Variants in CHCHD6 observed in about 807,000 individuals in gnomAD.
CHCHD6 encodes the protein coiled-coil-helix-coiled-coil-helix domain containing 6.
In CHCHD6, 28 loss-of-function variants were observed where a neutral mutation model predicts 32.3. That is an observed-to-expected ratio of 0.87 (90% CI 0.64 to 1.19). The LOEUF (loss-of-function observed/expected upper bound fraction) is 1.19. Ranked by LOEUF, CHCHD6 falls within the 50% of genes most tolerant of loss-of-function variation. CHCHD6 has a pLI of 0.00. For synonymous variants in CHCHD6, 122 were observed against 117.5 expected (o/e 1.04, Z -0.25); for missense variants, 333 against 307.0 (o/e 1.08, Z -0.63).
At chr3:126,773,002 G>A (rs781432681) in intron 4 of CHCHD6, among the ~76,000 whole-genome samples, 1 of 152,074 alleles carries the variant, frequency 6.6e-6, no homozygotes, top group African/African-American at 2.4e-5. Flanking sequence ...AGTTTGGCTG[G>A]ATATGAAATT....
intron 4 of CHCHD6, among the ~76,000 whole-genome samples, chr3:126,805,753 A>C (rs1027516837): frequency 6.6e-6 from 1 of 152,244 alleles, no homozygotes; most frequent in Admixed American, 6.5e-5. Flanking sequence ...AGTCGATCCT[A>C]AGCCAAAAGA....
intron 5 of CHCHD6, among the ~76,000 whole-genome samples, chr3:126,874,339 TAGG>T: frequency 6.6e-6 from 1 of 152,152 alleles, no homozygotes; most frequent in Non-Finnish European, 1.5e-5. Context: ...GCCATTAATT[TAGG>T]AGGAGAACAT....
At chr3:126,792,671 GAGA>G (rs1195607226) in intron 4 of CHCHD6, among the ~76,000 whole-genome samples, 3 of 152,044 alleles carry the variant, frequency 2.0e-5, no homozygotes, top group Non-Finnish European at 4.4e-5. Context: ...TATGAGCTAG[GAGA>G]TGGTCTGTCT....
chr3:126,894,234 A>G (rs1198476347), intron 5 of CHCHD6, among the ~76,000 whole-genome samples: 2 of 152,210 alleles, frequency 1.3e-5, no homozygotes, highest in African/African-American at 4.8e-5. Flanking sequence ...GTGAAGGCTC[A>G]AAGAAGTGAC....
At chr3:126,783,860 C>T (rs1051559773) in intron 4 of CHCHD6, among the ~76,000 whole-genome samples, 1 of 151,864 alleles carries the variant, frequency 6.6e-6, no homozygotes, top group African/African-American at 2.4e-5. Context: ...GGAGGGGGGT[C>T]TGGTACAAAC....
In CHCHD6 at chr3:126,953,202, A is replaced by G. The variant is rs185881507; in HGVS notation, c.567-4214A>G. 1.5e-5 allele frequency: 14 copies of G among 909,268 alleles called. No homozygotes were observed. The African/African-American group carries it at 2.3e-4, about 15-fold the overall frequency. 56.3% of individuals were successfully genotyped at this position (909,268 alleles called of 1,614,324 possible). On this transcript the variant is annotated intron_variant, in intron 6 of 7. Coordinates refer to ENST00000290913, the MANE Select transcript of CHCHD6 (RefSeq NM_032343.3). ...TGCCCCAGGTTTGTCTGATCCCAGA[A>G]CCTGTGTTCTTTCCACTAGACCAAG...
At position 126,960,149 on chromosome 3, in the gene CHCHD6, ATGGGCGGAG is replaced by A. The variant is rs771189027; in HGVS notation, c.703-41_703-33del. On this transcript the variant is annotated intron_variant, in intron 7 of 7. Transcript: ENST00000290913. ...GGCGATCTGCACGGAGCTGGAGGGC[ATGGGCGGAG>A]TGGGCCCTGACTCAACTCTGACCTG... 66 of 1,551,062 alleles carry A rather than the reference ATGGGCGGAG, an allele frequency of 4.3e-5. No homozygotes were observed. In the African/African-American group the frequency reaches 8.1e-4, roughly 19 times the overall value.
At chr3:126,737,631 C>T (rs1337394203) in intron 4 of CHCHD6, among the ~76,000 whole-genome samples, 1 of 152,034 alleles carries the variant, frequency 6.6e-6, no homozygotes, top group Non-Finnish European at 1.5e-5. Context: ...GCAGTACCAC[C>T]TGATACTTCC....
At chr3:126,944,085 G>A (rs2078600608) in intron 6 of CHCHD6, among the ~76,000 whole-genome samples, 1 of 152,240 alleles carries the variant, frequency 6.6e-6, no homozygotes. Flanking sequence ...TGATAAGTTG[G>A]ATCCACAGTG....
chr3:126,927,610 C>G (rs183564495), intron 6 of CHCHD6, among the ~76,000 whole-genome samples: 8 of 152,328 alleles, frequency 5.3e-5, no homozygotes, highest in Admixed American at 5.2e-4. Flanking sequence ...AATGGCATTT[C>G]ATTCCCAGCT....
intron 4 of CHCHD6, among the ~76,000 whole-genome samples, chr3:126,821,748 CTGTT>C (rs527638179): frequency 4.8e-4 from 73 of 152,096 alleles, no homozygotes; most frequent in Non-Finnish European, 8.7e-4. Flanking sequence ...TCTTGTCTGT[CTGTT>C]TGATTATAAC....
At chr3:126,926,639 G>A (rs1187051410) in intron 6 of CHCHD6, among the ~76,000 whole-genome samples, 1 of 152,198 alleles carries the variant, frequency 6.6e-6, no homozygotes, top group East Asian at 1.9e-4. Flanking sequence ...ATCCGAGAGG[G>A]TAGAGATGAG....
chr3:126,764,312 C>T (rs1369295568), intron 4 of CHCHD6, among the ~76,000 whole-genome samples: 2 of 151,188 alleles, frequency 1.3e-5, no homozygotes, highest in African/African-American at 2.4e-5. Context: ...TCATGCTAAT[C>T]ATCTTTCAAA....
intron 6 of CHCHD6, among the ~76,000 whole-genome samples, chr3:126,919,317 C>CTTTTTTTTTTTT (rs756862821): frequency 2.9e-5 from 2 of 68,124 alleles, no homozygotes; most frequent in African/African-American, 4.6e-5. Flanking sequence ...TTTCTTTTTT[C>CTTTTTTTTTTTT]TTTTTTTTTT....
intron 4 of CHCHD6, among the ~76,000 whole-genome samples, chr3:126,818,925 G>A (rs560142291): frequency 1.1e-4 from 16 of 152,328 alleles, no homozygotes; most frequent in East Asian, 7.7e-4. Flanking sequence ...CTAGGCCTAC[G>A]TGGCAACTGT....
intron 4 of CHCHD6, among the ~76,000 whole-genome samples, chr3:126,814,151 T>G (rs1939778651): frequency 6.6e-6 from 1 of 151,964 alleles, no homozygotes. Context: ...CAGAAAGGAG[T>G]AGAGGTAGGG....
chr3:126,858,918 C>T (rs533729810), intron 5 of CHCHD6, among the ~76,000 whole-genome samples: 6 of 152,280 alleles, frequency 3.9e-5, no homozygotes, highest in Admixed American at 2.0e-4. Flanking sequence ...CCATAGGCAC[C>T]GCAGAATCGC....
At chr3:126,737,808 A>G (rs1936114886) in intron 4 of CHCHD6, among the ~76,000 whole-genome samples, 1 of 152,046 alleles carries the variant, frequency 6.6e-6, no homozygotes, top group Admixed American at 6.5e-5. Context: ...GCTGGATTAT[A>G]GGAAGCGGCA....
intron 6 of CHCHD6, among the ~76,000 whole-genome samples, chr3:126,921,253 C>T (rs986633940): frequency 3.9e-5 from 6 of 152,188 alleles, no homozygotes; most frequent in African/African-American, 1.4e-4. Flanking sequence ...ACTCCTGCCT[C>T]AGGGCCAACA....
Sources: gnomAD v4.1 joint callset for allele counts (sites outside exome capture counted in the v4.1 genomes callset) on GRCh38, gnomAD v4.1.1 for gene constraint, MANE v1.5 for transcripts, NCBI Gene and HGNC (gene_info 2026-07-23, HGNC 2026-07-21) for gene names.